Variants in CAPS2 observed in about 807,000 individuals in gnomAD.
The protein encoded by CAPS2 is calcyphosine 2.
In CAPS2, 98 loss-of-function variants were observed where a neutral mutation model predicts 86.5. The ratio of observed to expected loss-of-function variants is 1.13; its 90% confidence interval spans 0.96 to 1.34. The LOEUF is 1.34. CAPS2 is among the 40% of genes most tolerant of loss of function. The pLI, the probability that CAPS2 is intolerant of heterozygous loss-of-function variation, is 0.00. For synonymous variants in CAPS2, 210 were observed against 225.1 expected (o/e 0.93, Z 0.60); for missense variants, 729 against 686.8 (o/e 1.06, Z -0.69).
chr12:75,390,238 G>A (rs1257010558), intron 1 of CAPS2: 1 of 445,404 alleles, frequency 2.2e-6, no homozygotes, highest in Non-Finnish European at 4.5e-6. Flanking sequence ...AATGTTTGGA[G>A]GTAAACAGAT....
chr12:75,280,733 A>G (rs1368844386), intron 16 of CAPS2, among the ~76,000 whole-genome samples: 1 of 151,912 alleles, frequency 6.6e-6, no homozygotes, highest in Non-Finnish European at 1.5e-5. Context: ...GAATAAGTAA[A>G]TCAAACTATT....
rs1376267110 is a variant in CAPS2, at chr12:75,377,814, G to A, written c.-395+13024C>T. ...ACTTTGCATCCTCCAATCCAATCAA[G>A]TTGATACTTAATATTAACCATCACA... On this transcript the variant is annotated intron_variant, in intron 1 of 5. Transcript: ENST00000551829. Among the ~76,000 whole-genome samples the A allele has an allele frequency of 2.0e-5, 3 of 148,354 alleles. No homozygotes were observed. In the Admixed American group the frequency reaches 2.0e-4, roughly 10 times the overall value.
At chr12:75,367,539 C>T (rs2044061994) in intron 1 of CAPS2, among the ~76,000 whole-genome samples, 1 of 151,424 alleles carries the variant, frequency 6.6e-6, no homozygotes, top group Non-Finnish European at 1.5e-5. Flanking sequence ...GAAGGTCTTG[C>T]ACATCAAATT....
At chr12:75,276,835 A>C, downstream of CAPS2, 3 of 940,266 alleles carry the variant, frequency 3.2e-6, no homozygotes, top group Non-Finnish European at 3.8e-6. Flanking sequence ...ACAGCATTAC[A>C]ACATATAATT....
intron 15 of CAPS2, among the ~76,000 whole-genome samples, chr12:75,283,650 C>T (rs2034358336): frequency 6.6e-6 from 1 of 151,694 alleles, no homozygotes; most frequent in South Asian, 2.1e-4. Flanking sequence ...CCTGTCTCTA[C>T]TAAAAATACA....
chr12:75,328,071 C>G (rs538975803), upstream of CAPS2, among the ~76,000 whole-genome samples: 1 of 151,952 alleles, frequency 6.6e-6, no homozygotes, highest in African/African-American at 2.4e-5. Flanking sequence ...AAATACAAAT[C>G]ATTAGATTCA....
intron 1 of CAPS2, among the ~76,000 whole-genome samples, chr12:75,357,791 G>C (rs2043249343): frequency 6.6e-6 from 1 of 151,698 alleles, no homozygotes; most frequent in African/African-American, 2.4e-5. Context: ...AAAGAAGTTA[G>C]AAAGTATGCT....
At position 75,304,959 on chromosome 12, in the gene CAPS2, A is replaced by T. The variant is rs377276215; in HGVS notation, c.660-83T>A. 6.6e-5 allele frequency: 85 copies of T among 1,285,106 alleles called. No individual in the cohort carries two copies. In the East Asian group the frequency reaches 1.6e-3, roughly 24 times the overall value. The allele number at this position is 1,285,106 out of a possible 1,614,324, so 79.6% of individuals were successfully genotyped here. A position where few individuals can be genotyped will look rare whatever the true frequency, so the allele number is the denominator to read the frequency against. ...TCACATATTTATAAGCAGTTCTAAAAGCTCATATACCAAATGCAAATTTAC... is the reference window on the plus strand; with the variant it reads ...TCACATATTTATAAGCAGTTCTAAATGCTCATATACCAAATGCAAATTTAC... On this transcript the variant is annotated intron_variant, in intron 7 of 16. Coordinates refer to ENST00000393284, the Ensembl canonical transcript of CAPS2.
chr12:75,304,810 T>C, exon 8 of CAPS2: 1 of 1,610,742 alleles, frequency 6.2e-7, no homozygotes, highest in South Asian at 1.1e-5. Flanking sequence ...TCTTTGAATC[T>C]GGAAGGATAT....
chr12:75,327,533 T>C (rs985362119), upstream of CAPS2, among the ~76,000 whole-genome samples: 1 of 152,118 alleles, frequency 6.6e-6, no homozygotes, highest in Non-Finnish European at 1.5e-5. Flanking sequence ...ACTTTTTCTA[T>C]AGTCTTAGAT....
chr12:75,306,185 GC>G, intron 7 of CAPS2: 1 of 792,996 alleles, frequency 1.3e-6, no homozygotes. Flanking sequence ...TACCGGCCCG[GC>G]CCCTACGTGG....
chr12:75,389,302 A>G (rs1209831747), intron 1 of CAPS2, among the ~76,000 whole-genome samples: 1 of 152,226 alleles, frequency 6.6e-6, no homozygotes, highest in Non-Finnish European at 1.5e-5. Flanking sequence ...TAGCTTGTTC[A>G]GCATTTGAGC....
intron 7 of CAPS2, chr12:75,305,541 T>C: frequency 1.6e-6 from 1 of 623,132 alleles, no homozygotes; most frequent in South Asian, 1.4e-5. Context: ...CGGTAGGCGT[T>C]CCTCCGTCCG....
exon 17 of CAPS2, chr12:75,278,224 T>C (rs2033250425): frequency 1.0e-6 from 1 of 982,652 alleles, no homozygotes; most frequent in South Asian, 4.7e-5. Flanking sequence ...TACATTGTGC[T>C]CTATTTAACC....
intron 1 of CAPS2, among the ~76,000 whole-genome samples, chr12:75,345,209 C>A (rs1372120530): frequency 6.6e-6 from 1 of 152,056 alleles, no homozygotes; most frequent in Non-Finnish European, 1.5e-5. Flanking sequence ...TTCTCCTGAG[C>A]CATAATCTAG....
chr12:75,285,010 C>T (rs749900141), exon 15 of CAPS2: 11 of 1,609,812 alleles, frequency 6.8e-6, no homozygotes, highest in East Asian at 4.5e-5. Context: ...AATAATACCA[C>T]GTTTGAATTC....
In CAPS2 at chr12:75,278,937, CTACTATTCCTA is replaced by C. The variant is rs1238912426; in HGVS notation, c.1730_1740del (p.Ile577ArgfsTer2). The C allele has an allele frequency of 3.1e-6, 5 of 1,604,908 alleles. No homozygotes were observed. The African/African-American group carries it at 6.7e-5, about 22-fold the overall frequency. On this transcript the variant is annotated frameshift_variant, in exon 17 of 17. Transcript: ENST00000393284. LOFTEE classifies it high-confidence loss of function. ...AAGATGTTAACAAAGTCTTCATCATCTACTATTCCTATACTTAAACCTTCATAGTAATCTTC... is the reference window on the plus strand; with the variant it reads ...AAGATGTTAACAAAGTCTTCATCATCTACTTAAACCTTCATAGTAATCTTC...
intron 16 of CAPS2, 23 bp downstream of exon 16, chr12:75,282,228 G>A (rs1489430503): frequency 8.4e-7 from 1 of 1,187,090 alleles, no homozygotes; most frequent in Admixed American, 1.7e-5. Context: ...AAAGTCCAAT[G>A]CATTTTAACT....
At chr12:75,283,890 C>A (rs1377945571) in intron 15 of CAPS2, among the ~76,000 whole-genome samples, 1 of 152,122 alleles carries the variant, frequency 6.6e-6, no homozygotes, top group African/African-American at 2.4e-5. Flanking sequence ...AGAGAACAGG[C>A]AGCCATCTGC....
Sources: gnomAD v4.1 joint callset for allele counts (sites outside exome capture counted in the v4.1 genomes callset) on GRCh38, gnomAD v4.1.1 for gene constraint, MANE v1.5 for transcripts, NCBI Gene and HGNC (gene_info 2026-07-23, HGNC 2026-07-21) for gene names.